The following ABCC11 variants were observed in gnomAD, a reference collection of about 807,000 sequenced individuals.
ABCC11 encodes the protein ATP binding cassette subfamily C member 11.
A neutral mutation model predicts 149.3 loss-of-function variants in ABCC11; 135 were observed. That is an observed-to-expected ratio of 0.90 (90% CI 0.79 to 1.04). The LOEUF (loss-of-function observed/expected upper bound fraction) is 1.04. Among genes scored for constraint, ABCC11 ranks in the 50% least tolerant of loss-of-function variants. The pLI is 0.00. For synonymous variants in ABCC11, 665 were observed against 671.4 expected (o/e 0.99, Z 0.15); for missense variants, 1,680 against 1,722.1 (o/e 0.98, Z 0.43).
chr16:48,192,509 C>T lies in ABCC11; in HGVS notation c.2706+11G>A, dbSNP rs1276814056. On this transcript the variant is annotated intron_variant, in intron 20 of 29. Transcript: ENST00000356608. ...TCAGCCTTCGGCCCCACCCAGCACC[C>T]AGGCCCATACCTTGTTGAAGAGCTT... 3.1e-6 allele frequency: 5 copies of T among 1,614,038 alleles called. No individual in the cohort carries two copies. Among genetic ancestry groups the T allele is most frequent in the Non-Finnish European group, 4.2e-6 (5 of 1,179,894 alleles).
At chr16:48,238,764 C>T (rs887594053) in intron 1 of ABCC11, among the ~76,000 whole-genome samples, 2 of 151,424 alleles carry the variant, frequency 1.3e-5, no homozygotes, top group East Asian at 1.9e-4. Flanking sequence ...GGTGAAACCC[C>T]GTCTCTACTA....
In ABCC11 at chr16:48,175,390, A is replaced by G. The variant is rs1187534457; in HGVS notation, c.3566T>C (p.Phe1189Ser). ...GCCTGCCATGGGCTCCACCAGGCGG[A>G]AGAGAGCCATGCCCAAGGAGGACTT... The part of the protein sequence containing the change: ...SGKSSLGMAL[F>S]RLVEPMAGRI... Residue 1189 changes from phenylalanine to serine, a missense_variant, in exon 26 of 30, where the codon TTC becomes TCC. By Grantham distance (155) the Phe-to-Ser change is radical (BLOSUM62 -2). Transcript: ENST00000356608. 1 of 1,612,578 alleles carries G rather than the reference A, an allele frequency of 6.2e-7. No individual in the cohort carries two copies. Among genetic ancestry groups the G allele is most frequent in the Non-Finnish European group, 8.5e-7 (1 of 1,178,704 alleles).
intron 20 of ABCC11, among the ~76,000 whole-genome samples, chr16:48,190,363 GT>G (rs568367350): frequency 0.015 from 2,174 of 145,470 alleles, 19 homozygotes; most frequent in Non-Finnish European, 0.022. Context: ...AAGCAATTTG[GT>G]TTTTTTTTTT....
intron 11 of ABCC11, chr16:48,210,190 T>C (rs1968800915): frequency 6.6e-6 from 1 of 152,198 alleles, no homozygotes; most frequent in Non-Finnish European, 1.5e-5. Context: ...AAACCTTATT[T>C]CATTTTAAAT....
At chr16:48,174,912 C>G (rs1321682847) in intron 26 of ABCC11, among the ~76,000 whole-genome samples, 2 of 152,184 alleles carry the variant, frequency 1.3e-5, no homozygotes, top group Non-Finnish European at 2.9e-5. Flanking sequence ...TCATAGTGTA[C>G]TACAGCCCTG....
Position 48,205,527 on chromosome 16 carries a change from A to C in ABCC11, c.1691T>G (p.Leu564Arg), listed in dbSNP as rs573922124. Reference protein sequence around the residue: ...LSAILEEMHLLEGSVGVQGSL... With the variant: ...LSAILEEMHLREGSVGVQGSL... ...TCCCTGCACCCCCACCGAGCCCTCG[A>C]GCAAGTGCATCTGCGGCAGAATGAG... The change falls in exon 13 of 30, where the codon CTC (leucine) becomes CGC (arginine). Residue 564 changes from leucine to arginine, a missense_variant. By Grantham distance (102) the Leu-to-Arg change is moderately radical. Coordinates refer to ENST00000356608, the MANE Select transcript of ABCC11 (RefSeq NM_001370497.1). 4 of 1,613,772 alleles carry C rather than the reference A, an allele frequency of 2.5e-6. No individual in the cohort carries two copies. The African/African-American group carries it at 5.3e-5, about 22-fold the overall frequency.
intron 2 of ABCC11, among the ~76,000 whole-genome samples, chr16:48,231,099 G>T (rs1301891113): frequency 2.0e-5 from 3 of 152,242 alleles, no homozygotes; most frequent in South Asian, 4.1e-4. Flanking sequence ...ACATCAGGTA[G>T]GAAGGGTTGG....
intron 27 of ABCC11, 124 bp downstream of exon 27, chr16:48,170,765 G>T: frequency 1.2e-6 from 1 of 856,350 alleles, no homozygotes; most frequent in South Asian, 1.6e-5. Context: ...TCATCTCCAT[G>T]AGATGATGCA....
chr16:48,220,905 C>T (rs988198596), intron 6 of ABCC11, among the ~76,000 whole-genome samples: 4 of 152,120 alleles, frequency 2.6e-5, no homozygotes, highest in East Asian at 1.9e-4. Context: ...GAAGGGGGCT[C>T]ATATTAGTAG....
chr16:48,178,756 A>C, intron 23 of ABCC11, 70 bp from the exon 24 acceptor site: 1 of 1,327,660 alleles, frequency 7.5e-7, no homozygotes, highest in Non-Finnish European at 1.1e-6. Context: ...AACGCTCCTG[A>C]TAACCACTGA....
chr16:48,224,481 A>G (rs948989511), intron 4 of ABCC11, 52 bp from the exon 5 acceptor site: 2 of 1,592,548 alleles, frequency 1.3e-6, no homozygotes, highest in Non-Finnish European at 1.7e-6. Context: ...GTGACATCCA[A>G]ACATCCTAGT....
In ABCC11 at chr16:48,247,464, G is replaced by GGTTAAATGAGTTAAAATTTAATCATTTAA. The variant is rs140055185; in HGVS notation, c.-170_-169insTTAAATGATTAAATTTTAACTCATTTAAC. The stretch of plus-strand genomic sequence containing the variant: ...CGTTCTTTGCCACACAGAGTGGCAG[G>GGTTAAATGAGTTAAAATTTAATCATTTAA]ATTAGATGTTGACTTACCTCTGCCA... On this transcript the variant is annotated 5_prime_UTR_variant, in exon 1 of 30. In the 5' UTR this introduces an upstream ATG that the reference lacks. Transcript: ENST00000356608. The GGTTAAATGAGTTAAAATTTAATCATTTAA allele has an allele frequency of 6.6e-6, 1 of 152,362 alleles. No homozygotes were observed. The highest frequency in any genetic ancestry group is 2.4e-5 in the African/African-American group (1 of 41,478). The allele number at this position is 152,362 out of a possible 1,614,324, so 9.4% of individuals were successfully genotyped here.
intron 28 of ABCC11, among the ~76,000 whole-genome samples, 153 bp from the exon 29 acceptor site, chr16:48,167,813 C>T (rs552269668): frequency 2.6e-5 from 4 of 152,290 alleles, no homozygotes; most frequent in South Asian, 2.1e-4. Context: ...GTGCAAAGCC[C>T]GCTCTGATTG....
chr16:48,188,796 T>C (rs916639303), intron 20 of ABCC11, among the ~76,000 whole-genome samples: 2 of 152,254 alleles, frequency 1.3e-5, no homozygotes, highest in African/African-American at 4.8e-5. Context: ...TTCATGGCAC[T>C]GACCAAATGA....
chr16:48,246,336 A>G (rs967312454), intron 1 of ABCC11, among the ~76,000 whole-genome samples: 14 of 151,922 alleles, frequency 9.2e-5, no homozygotes, highest in African/African-American at 2.9e-4. Context: ...CCAACATACG[A>G]CTCTGCTCCT....
intron 1 of ABCC11, among the ~76,000 whole-genome samples, chr16:48,234,723 T>C (rs1038623162): frequency 6.6e-6 from 1 of 152,020 alleles, no homozygotes; most frequent in Non-Finnish European, 1.5e-5. Flanking sequence ...GGAGAGATCT[T>C]GGAGGGGGTT....
rs774421155 is a variant in ABCC11, at chr16:48,211,089, C to T, written c.1467G>A (p.Gly489=). The T allele has an allele frequency of 1.9e-6, 3 of 1,614,202 alleles. No homozygotes were observed. Among genetic ancestry groups the T allele is most frequent in the Non-Finnish European group, 2.5e-6 (3 of 1,180,038 alleles). ...CCAGCTCCAGTGCCCCATTGACGAT[C>T]CCGGGACAGGTCTGTTGCCATGACA... is the stretch of plus-strand genomic sequence containing the variant. ...ATLSWQQTCP[G]IVNGALELER... Residue 489 remains glycine (G), a synonymous_variant, in exon 11 of 30, where the codon GGG becomes GGA. Coordinates refer to ENST00000356608, the MANE Select transcript of ABCC11 (RefSeq NM_001370497.1).
chr16:48,229,005 C>T (rs1464151855), intron 3 of ABCC11, among the ~76,000 whole-genome samples: 5 of 151,754 alleles, frequency 3.3e-5, no homozygotes, highest in South Asian at 2.1e-4. Flanking sequence ...ATGAAAATGC[C>T]GAACTTATAA....
intron 4 of ABCC11, among the ~76,000 whole-genome samples, chr16:48,227,545 C>G (rs1241261271): frequency 6.6e-6 from 1 of 151,628 alleles, no homozygotes; most frequent in African/African-American, 2.4e-5. Context: ...GGTTCACAAG[C>G]CTTGTGGTAA....
Sources: gnomAD v4.1 joint callset for allele counts (sites outside exome capture counted in the v4.1 genomes callset) on GRCh38, gnomAD v4.1.1 for gene constraint, MANE v1.5 for transcripts, NCBI Gene and HGNC (gene_info 2026-07-23, HGNC 2026-07-21) for gene names.